The following UBE3C variants were observed in gnomAD, a reference collection of about 807,000 sequenced individuals.
UBE3C encodes the protein ubiquitin-protein ligase E3C.
Under a neutral mutation model 129.4 loss-of-function variants are expected in UBE3C, and 42 were observed. The observed-to-expected ratio is 0.32, with a 90% CI of 0.25 to 0.42. UBE3C has a LOEUF of 0.42. UBE3C is among the 10% of genes least tolerant of loss of function. UBE3C has a pLI of 1.00. For synonymous variants in UBE3C, 510 were observed against 492.4 expected (o/e 1.04, Z -0.47); for missense variants, 1,049 against 1,319.1 (o/e 0.80, Z 3.17).
At position 157,150,485 on chromosome 7, in the gene UBE3C, G is replaced by A. The variant is rs80271872; in HGVS notation, c.66+11147G>A. 3.4e-3 allele frequency among the ~76,000 whole-genome samples: 510 copies of A among 152,188 alleles called. 2 individuals are homozygous for A. The highest frequency in any genetic ancestry group is 0.011 in the African/African-American group (475 of 41,504). Reference sequence around the variant, plus strand: ...TTCTAGTGAACTAATATGCATAAGAGAAGATGCATGGGAAAGGTGATTTAT... The same window carrying A: ...TTCTAGTGAACTAATATGCATAAGAAAAGATGCATGGGAAAGGTGATTTAT... On this transcript the variant is annotated intron_variant, in intron 1 of 22. Coordinates refer to ENST00000348165, the MANE Select transcript of UBE3C (RefSeq NM_014671.3).
In UBE3C at chr7:157,267,726, G is replaced by C. The variant is rs1330234039; in HGVS notation, c.3223G>C (p.Glu1075Gln). Reference sequence around the variant, plus strand: ...GCGAAGTAAACTTCTCTATGCGATTGAATGTGCCGCTGGCTTTGAGCTGAG... The same window carrying C: ...GCGAAGTAAACTTCTCTATGCGATTCAATGTGCCGCTGGCTTTGAGCTGAG... Reference protein sequence around the residue: ...LLRSKLLYAIECAAGFELS With the variant: ...LLRSKLLYAIQCAAGFELS Residue 1075 changes from glutamate (E) to glutamine (Q), a missense_variant, in exon 23 of 23, where the codon GAA becomes CAA. Physicochemically the swap from Glu to Gln is conservative, Grantham distance 29 (BLOSUM62 2). This residue lies in a region of UBE3C where 243 missense variants were observed against 368.7 expected (regional missense o/e 0.66). Transcript: ENST00000348165. 1 of 1,611,056 alleles carries C rather than the reference G, an allele frequency of 6.2e-7. No individual in the cohort carries two copies. Among genetic ancestry groups the C allele is most frequent in the African/African-American group, 1.3e-5 (1 of 74,760 alleles).
At chr7:157,146,757 T>C (rs1330805417) in intron 1 of UBE3C, among the ~76,000 whole-genome samples, 1 of 152,182 alleles carries the variant, frequency 6.6e-6, no homozygotes, top group African/African-American at 2.4e-5. Context: ...TGGGTTCAAG[T>C]GGTTCTTCTG....
At chr7:157,250,827 A>G (rs1563075044) in intron 19 of UBE3C, among the ~76,000 whole-genome samples, 1 of 152,220 alleles carries the variant, frequency 6.6e-6, no homozygotes, top group African/African-American at 2.4e-5. Flanking sequence ...TCTAAATGGC[A>G]TAAAAGCCTT....
At chr7:157,247,914 AT>A (rs1796522950) in intron 18 of UBE3C, among the ~76,000 whole-genome samples, 2 of 152,024 alleles carry the variant, frequency 1.3e-5, no homozygotes, top group African/African-American at 4.8e-5. Flanking sequence ...ATAGGGTCCA[AT>A]AGCTGCGAGG....
chr7:157,153,062 G>A (rs536478699), intron 1 of UBE3C, among the ~76,000 whole-genome samples: 1 of 152,086 alleles, frequency 6.6e-6, no homozygotes, highest in Non-Finnish European at 1.5e-5. Context: ...CAGGCATGGT[G>A]GTGGGCGCCT....
At chr7:157,252,638 C>T (rs1050720808) in intron 19 of UBE3C, among the ~76,000 whole-genome samples, 1 of 152,226 alleles carries the variant, frequency 6.6e-6, no homozygotes, top group Admixed American at 6.5e-5. Context: ...AAGTCAGGCT[C>T]TCTAGCACAT....
At chr7:157,207,336 A>C in intron 11 of UBE3C, 62 bp from the exon 12 acceptor site, 2 of 1,565,290 alleles carry the variant, frequency 1.3e-6, no homozygotes, top group Non-Finnish European at 1.7e-6. Flanking sequence ...TGTTTTAATT[A>C]GTTCCCAAAC....
chr7:157,195,643 A>C (rs1809098288), intron 10 of UBE3C, among the ~76,000 whole-genome samples: 1 of 152,172 alleles, frequency 6.6e-6, no homozygotes, highest in Non-Finnish European at 1.5e-5. Context: ...TAGGTTCGCA[A>C]GTGCACAGAT....
At chr7:157,147,161 A>G (rs1209614254) in intron 1 of UBE3C, among the ~76,000 whole-genome samples, 1 of 152,224 alleles carries the variant, frequency 6.6e-6, no homozygotes, top group Non-Finnish European at 1.5e-5. Context: ...CTTCCTATCC[A>G]TGAATATGGA....
chr7:157,140,314 A>C (rs62491935), intron 1 of UBE3C, among the ~76,000 whole-genome samples: 1 of 152,092 alleles, frequency 6.6e-6, no homozygotes, highest in African/African-American at 2.4e-5. Context: ...AACTGCTGTT[A>C]TTAAGATTGT....
chr7:157,139,602 C>G (rs1041869603), intron 1 of UBE3C, among the ~76,000 whole-genome samples: 1 of 152,220 alleles, frequency 6.6e-6, no homozygotes, highest in Admixed American at 6.5e-5. Flanking sequence ...CTGGCTGGAA[C>G]TCGAGGCCGC....
chr7:157,250,763 G>A lies in UBE3C; in HGVS notation c.2694+2183G>A, dbSNP rs149862896. Among the ~76,000 whole-genome samples the A allele has an allele frequency of 6.4e-3, 972 of 152,218 alleles. 4 individuals are homozygous for A. The highest frequency in any genetic ancestry group is 0.022 in the African/African-American group (916 of 41,526). ...CTGTTACTGTCATTAGGAAGTACTC[G>A]ACATCCAGTGATGTCGCTTGCTGCT... On this transcript the variant is annotated intron_variant, in intron 19 of 22. Coordinates refer to ENST00000348165, the MANE Select transcript of UBE3C (RefSeq NM_014671.3).
chr7:157,233,818 A>C (rs796097640), intron 18 of UBE3C, among the ~76,000 whole-genome samples: 11 of 152,288 alleles, frequency 7.2e-5, no homozygotes, highest in African/African-American at 2.6e-4. Context: ...TCCCACCAAC[A>C]ATTTGTGAAG....
At chr7:157,248,875 G>T (rs1392521539) in intron 19 of UBE3C, among the ~76,000 whole-genome samples, 1 of 152,146 alleles carries the variant, frequency 6.6e-6, no homozygotes, top group African/African-American at 2.4e-5. Flanking sequence ...TCTTCCCGGT[G>T]CTGGGGGTGG....
chr7:157,218,566 G>A (rs1228932222), intron 14 of UBE3C, among the ~76,000 whole-genome samples: 4 of 152,190 alleles, frequency 2.6e-5, no homozygotes, highest in African/African-American at 7.2e-5. Flanking sequence ...AGTTAAGCCT[G>A]TTGCATCTAA....
At chr7:157,143,380 A>T (rs1486480690) in intron 1 of UBE3C, among the ~76,000 whole-genome samples, 1 of 152,182 alleles carries the variant, frequency 6.6e-6, no homozygotes, top group Non-Finnish European at 1.5e-5. Flanking sequence ...TTATGAAAGG[A>T]TAGGCGTGTC....
At chr7:157,161,574 C>T (rs1029344917) in intron 1 of UBE3C, among the ~76,000 whole-genome samples, 2 of 151,980 alleles carry the variant, frequency 1.3e-5, no homozygotes, top group African/African-American at 2.4e-5. Flanking sequence ...GCCTCAACCC[C>T]CAAGTAGCTG....
chr7:157,195,860 T>TG (rs1165667089), intron 10 of UBE3C, among the ~76,000 whole-genome samples: 1 of 151,864 alleles, frequency 6.6e-6, no homozygotes, highest in Admixed American at 6.6e-5. Flanking sequence ...AACACAGGGG[T>TG]GGAGTGGTGG....
At chr7:157,242,773 C>T (rs1021408362) in intron 18 of UBE3C, among the ~76,000 whole-genome samples, 2 of 151,996 alleles carry the variant, frequency 1.3e-5, no homozygotes, top group African/African-American at 2.4e-5. Flanking sequence ...AAGGAAGGGT[C>T]GAGCCAGGTC....
Sources: allele counts gnomAD v4.1 joint callset (sites outside exome capture counted in the v4.1 genomes callset), GRCh38; gene constraint gnomAD v4.1.1; regional missense constraint gnomAD v4.1.1; transcripts MANE v1.5; gene names NCBI Gene and HGNC (gene_info 2026-07-23, HGNC 2026-07-21).